The following NFX1 variants were observed in gnomAD, a reference collection of about 807,000 sequenced individuals.
NFX1 encodes nuclear transcription factor, X-box binding 1.
In NFX1, 69 loss-of-function variants were observed where a neutral mutation model predicts 137.2. The observed-to-expected ratio is 0.50, with a 90% CI of 0.41 to 0.61. The LOEUF is 0.61. Ranked by LOEUF, NFX1 falls within the 20% of genes least tolerant of loss-of-function variation. The pLI is 0.00. For missense variants in NFX1, 1,167 were observed against 1,391.0 expected (o/e 0.84, Z 2.56); for synonymous variants, 495 against 474.1 (o/e 1.04, Z -0.57).
chr9:33,301,039 C>A (rs1424706077), intron 2 of NFX1, among the ~76,000 whole-genome samples: 1 of 152,192 alleles, frequency 6.6e-6, no homozygotes, highest in Non-Finnish European at 1.5e-5. Flanking sequence ...TTGTGGGAAT[C>A]CCCACCTGAG....
At chr9:33,345,110 C>T (rs183152829) in intron 14 of NFX1, among the ~76,000 whole-genome samples, 117 of 151,056 alleles carry the variant, frequency 7.7e-4, no homozygotes, top group African/African-American at 2.7e-3. Context: ...TGCAGTGAGC[C>T]AAGATTGTGC....
intron 14 of NFX1, among the ~76,000 whole-genome samples, chr9:33,345,474 C>G (rs891979302): frequency 2.7e-5 from 4 of 150,898 alleles, no homozygotes; most frequent in African/African-American, 4.9e-5. Context: ...GAGACTCTGT[C>G]TCAAAAAAAA....
At position 33,290,616 on chromosome 9, in the gene NFX1, C is replaced by T; in HGVS notation, c.25+19C>T. On this transcript the variant is annotated intron_variant, in intron 1 of 23. Transcript: ENST00000379540. ...GTCTCAGGTATTGTCCCGGCCCGAGCGGGACTGGGCCCCTTTCAGGGAGCG... is the reference window on the plus strand; with the variant it reads ...GTCTCAGGTATTGTCCCGGCCCGAGTGGGACTGGGCCCCTTTCAGGGAGCG... 1 of 1,604,886 alleles carries T rather than the reference C, an allele frequency of 6.2e-7. No individual in the cohort carries two copies. The highest frequency in any genetic ancestry group is 8.5e-7 in the Non-Finnish European group (1 of 1,177,266).
chr9:33,319,895 T>C (rs1822318898), intron 9 of NFX1, among the ~76,000 whole-genome samples: 1 of 152,202 alleles, frequency 6.6e-6, no homozygotes, highest in Non-Finnish European at 1.5e-5. Context: ...GTTTCCCATC[T>C]AGCTGAGGAT....
At chr9:33,345,618 A>G (rs706134) in intron 14 of NFX1, among the ~76,000 whole-genome samples, 88,395 of 152,094 alleles carry the variant, frequency 0.58, 26,518 homozygotes, top group Non-Finnish European at 0.66. Flanking sequence ...TCCCCAATGT[A>G]AAAGTGGGAT....
chr9:33,340,578 C>T (rs1823184527), intron 12 of NFX1, among the ~76,000 whole-genome samples: 1 of 152,230 alleles, frequency 6.6e-6, no homozygotes, highest in African/African-American at 2.4e-5. Flanking sequence ...CAAATTTCTG[C>T]AGCCAGCTTG....
rs377275937 is a variant in NFX1, at chr9:33,295,160, C to A, written c.766C>A (p.Arg256=). 5 of 1,614,076 alleles carry A rather than the reference C, an allele frequency of 3.1e-6. No homozygotes were observed. In the East Asian group the frequency reaches 1.1e-4, roughly 36 times the overall value. ...PPWEVEGARP[R]PGRNPPKQEG... is the part of the protein sequence containing the mutation. The stretch of plus-strand genomic sequence containing the variant: ...CTGGGAAGTGGAGGGGGCCAGGCCA[C>A]GACCAGGCAGAAATCCACCAAAACA... Residue 256 remains arginine (R), a synonymous_variant, in exon 2 of 24, where the codon CGA becomes AGA. Coordinates refer to ENST00000379540, the MANE Select transcript of NFX1 (RefSeq NM_002504.6).
At chr9:33,344,807 AG>A (rs1823354027) in intron 14 of NFX1, among the ~76,000 whole-genome samples, 2 of 151,830 alleles carry the variant, frequency 1.3e-5, no homozygotes, top group South Asian at 4.2e-4. Context: ...CAGAGGTTGC[AG>A]TAAGCTGAGA....
chr9:33,365,110 C>T (rs2118699908), intron 21 of NFX1: 2 of 447,668 alleles, frequency 4.5e-6, no homozygotes, highest in Middle Eastern at 9.7e-4. Flanking sequence ...CCTGTCTCTA[C>T]TAAAAATATA....
At chr9:33,310,545 A>G (rs895195437) in intron 5 of NFX1, among the ~76,000 whole-genome samples, 4 of 152,122 alleles carry the variant, frequency 2.6e-5, no homozygotes. Flanking sequence ...AGTTCTTTCC[A>G]TGACCCCCTT....
At chr9:33,303,059 T>C in intron 3 of NFX1, 132 bp from the exon 4 acceptor site, 2 of 628,048 alleles carry the variant, frequency 3.2e-6, no homozygotes, top group African/African-American at 1.9e-5. Context: ...GTTCCTTAAA[T>C]GTCTGATATG....
chr9:33,301,846 C>T (rs995965190), intron 3 of NFX1, among the ~76,000 whole-genome samples: 18 of 152,120 alleles, frequency 1.2e-4, no homozygotes, highest in South Asian at 4.1e-4. Flanking sequence ...CCAAGGCAGG[C>T]GGATCATCTG....
intron 1 of NFX1, among the ~76,000 whole-genome samples, chr9:33,291,322 A>G (rs1453008201): frequency 6.6e-6 from 1 of 152,256 alleles, no homozygotes; most frequent in East Asian, 1.9e-4. Flanking sequence ...CATAAATATA[A>G]AAGCGAACCA....
chr9:33,295,109 A>G lies in NFX1; in HGVS notation c.715A>G (p.Arg239Gly). ...GTATGGAGCCAGACGAAATGAGCAG[A>G]GAAGATACCCACAGAAAAGGCCTCC... The part of the protein sequence containing the change: ...DGYGARRNEQ[R>G]RYPQKRPPWE... Residue 239 changes from arginine to glycine, a missense_variant, in exon 2 of 24, where the codon AGA becomes GGA. Transcript: ENST00000379540. The G allele has an allele frequency of 6.2e-7, 1 of 1,614,198 alleles. No individual in the cohort carries two copies. The highest frequency in any genetic ancestry group is 8.5e-7 in the Non-Finnish European group (1 of 1,180,036).
At chr9:33,337,731 TAAAACAAAAC>T (rs144681736) in intron 11 of NFX1, among the ~76,000 whole-genome samples, 94,272 of 149,268 alleles carry the variant, frequency 0.63, 33,014 homozygotes, top group Non-Finnish European at 0.77. Flanking sequence ...CCTGTCTCTT[TAAAACAAAAC>T]AAAACAAAAC....
chr9:33,367,420 CAT>C, intron 22 of NFX1, 93 bp from the exon 23 acceptor site: 1 of 1,260,272 alleles, frequency 7.9e-7, no homozygotes, highest in Non-Finnish European at 1.1e-6. Flanking sequence ...TCAGTAGTGT[CAT>C]AGTGCCAAAA....
At chr9:33,364,607 CA>C (rs1190644613) in intron 20 of NFX1, 100 bp from the exon 21 acceptor site, 1 of 1,340,146 alleles carries the variant, frequency 7.5e-7, no homozygotes, top group East Asian at 2.6e-5. Flanking sequence ...GTTTTACTGC[CA>C]GCATTGTCTA....
intron 1 of NFX1, among the ~76,000 whole-genome samples, chr9:33,292,857 C>T (rs1422150628): frequency 2.0e-5 from 3 of 152,150 alleles, no homozygotes; most frequent in Admixed American, 6.5e-5. Flanking sequence ...TTCAAGCAAG[C>T]GAGAACTACA....
chr9:33,344,416 G>A (rs1180234360), intron 14 of NFX1, among the ~76,000 whole-genome samples: 1 of 152,180 alleles, frequency 6.6e-6, no homozygotes, highest in Non-Finnish European at 1.5e-5. Flanking sequence ...AAAAACGTTG[G>A]AAGACTCCCC....
Sources: allele counts gnomAD v4.1 joint callset (sites outside exome capture counted in the v4.1 genomes callset), GRCh38; gene constraint gnomAD v4.1.1; transcripts MANE v1.5; gene names NCBI Gene and HGNC (gene_info 2026-07-23, HGNC 2026-07-21).